Variants in SLC7A5 observed in about 807,000 individuals in gnomAD.
SLC7A5 encodes the protein large neutral amino acids transporter small subunit 1.
SLC7A5 carries 23 observed loss-of-function variants against 50.2 expected under a neutral mutation model. The ratio of observed to expected loss-of-function variants is 0.46; its 90% CI spans 0.33 to 0.65. SLC7A5 has a LOEUF of 0.65. Among genes scored for constraint, SLC7A5 ranks in the 30% least tolerant of loss-of-function variants. The pLI is 0.02. For synonymous variants in SLC7A5, 393 were observed against 330.6 expected, an observed-to-expected ratio of 1.19 and a Z score of -2.05; for missense variants, 578 against 684.4, an observed-to-expected ratio of 0.84 and a Z score of 1.73.
In SLC7A5 at chr16:87,860,494, A is replaced by G. The variant is rs1008623608; in HGVS notation, c.538+8391T>C. On this transcript the variant is annotated intron_variant, in intron 1 of 9. Transcript: ENST00000261622. The surrounding 1 kb of genome is among the most constrained non-coding windows in gnomAD (Gnocchi z 4.8). ...TTGTCCCGCCTTTCTCGGCAGAACCAACAAATACCTTTCATGTACTGACTG... is the reference window on the plus strand; with the variant it reads ...TTGTCCCGCCTTTCTCGGCAGAACCGACAAATACCTTTCATGTACTGACTG... 2.6e-5 allele frequency among the ~76,000 whole-genome samples: 4 copies of G among 151,970 alleles called. No individual in the cohort carries two copies. Among genetic ancestry groups the G allele is most frequent in the Non-Finnish European group, 5.9e-5 (4 of 68,002 alleles).
At chr16:87,842,882 G>A (rs191293668) in intron 2 of SLC7A5, among the ~76,000 whole-genome samples, 3 of 120,586 alleles carry the variant, frequency 2.5e-5, no homozygotes, top group Admixed American at 1.7e-4. Flanking sequence ...CAGCCCCTCT[G>A]GCCTCTCTCC....
At chr16:87,854,139 ACAGTCTGGAGGGGCTGACGGGTGCCAC>A (rs1416570974) in intron 1 of SLC7A5, among the ~76,000 whole-genome samples, 17 of 146,176 alleles carry the variant, frequency 1.2e-4, no homozygotes, top group Non-Finnish European at 2.4e-4. Flanking sequence ...CCAACCAAAA[ACAGTCTGGAGGGGCTGACGGGTGCCAC>A]CGGGAGGGTT....
In SLC7A5 at chr16:87,831,565, T is replaced by G. The variant is rs938242015; in HGVS notation, c.*1405A>C. ...AGCTCCTCCAGCCACAGCTGAGCAC[T>G]GGAGTGACGCTGGACCACTTGGCTC... On this transcript the variant is annotated 3_prime_UTR_variant, in exon 10 of 10. Coordinates refer to ENST00000261622, the MANE Select transcript of SLC7A5 (RefSeq NM_003486.7). The G allele has an allele frequency of 2.0e-5, 3 of 152,224 alleles. No individual in the cohort carries two copies. The highest frequency in any genetic ancestry group is 7.2e-5 in the African/African-American group (3 of 41,436). 9.4% of individuals were successfully genotyped at this position (152,224 alleles called of 1,614,324 possible).
intron 8 of SLC7A5, among the ~76,000 whole-genome samples, chr16:87,834,960 C>T (rs2054979965): frequency 6.6e-6 from 1 of 152,260 alleles, no homozygotes; most frequent in African/African-American, 2.4e-5. Flanking sequence ...TGGCCACCCA[C>T]TAATAAGCCA....
In SLC7A5 at chr16:87,851,802, C is replaced by G. The variant is rs1382705372; in HGVS notation, c.586G>C (p.Val196Leu). The change falls in exon 2 of 10, where the codon GTC (valine) becomes CTC (leucine). Residue 196 changes from valine to leucine, a missense_variant. By Grantham distance (32) the Val-to-Leu change is conservative. This residue lies in a region of SLC7A5 where 465 missense variants were observed against 594.6 expected (regional missense o/e 0.78). Coordinates refer to ENST00000261622, the MANE Select transcript of SLC7A5 (RefSeq NM_003486.7). Reference protein sequence around the residue: ...NCYSVKAATRVQDAFAAAKLL... With the variant: ...NCYSVKAATRLQDAFAAAKLL... ...TTGGCGGCGGCAAAGGCATCCTGGA[C>G]CCGGGTGGCGGCCTTCACGCTGTAG... 6.2e-7 allele frequency: 1 copy of G among 1,612,966 alleles called. No homozygotes were observed. The highest frequency in any genetic ancestry group is 1.3e-5 in the African/African-American group (1 of 74,898).
intron 1 of SLC7A5, among the ~76,000 whole-genome samples, chr16:87,867,346 A>T (rs2055476178): frequency 6.6e-6 from 1 of 152,208 alleles, no homozygotes; most frequent in African/African-American, 2.4e-5. Flanking sequence ...TAATGACAAA[A>T]AAAGAAATCA....
Position 87,839,769 on chromosome 16 carries a change from A to C in SLC7A5, c.872T>G (p.Leu291Arg). The C allele has an allele frequency of 6.2e-7, 1 of 1,614,000 alleles. No individual in the cohort carries two copies. The highest frequency in any genetic ancestry group is 8.5e-7 in the Non-Finnish European group (1 of 1,179,992). Reference sequence around the variant, plus strand: ...GGTGGTGAAGTAGGCCAGGTTGGTCAGCACGTACACCAGCGTCACGATGGG... The same window carrying C: ...GGTGGTGAAGTAGGCCAGGTTGGTCCGCACGTACACCAGCGTCACGATGGG... ...SLPIVTLVYV[L>R]TNLAYFTTLS... The change falls in exon 5 of 10, where the codon CTG (leucine) becomes CGG (arginine). Residue 291 changes from leucine to arginine, a missense_variant. Physicochemically the swap from Leu to Arg is moderately radical, Grantham distance 102 (BLOSUM62 -2). This residue lies in a region of SLC7A5 where 465 missense variants were observed against 594.6 expected (regional missense o/e 0.78). Transcript: ENST00000261622.
chr16:87,863,468 C>T (rs1335373953), intron 1 of SLC7A5: 3 of 152,214 alleles, frequency 2.0e-5, no homozygotes, highest in African/African-American at 4.8e-5. Flanking sequence ...CCCAGCATCG[C>T]TTGAATTTCC....
chr16:87,833,252 C>T lies in SLC7A5; in HGVS notation c.1469-227G>A, dbSNP rs140895181. On this transcript the variant is annotated intron_variant, in intron 9 of 9. Transcript: ENST00000261622. This position sits in a 1 kb window ranked among gnomAD's most constrained non-coding sequence, Gnocchi z 6.0. ...CGGAAGTGCCACATCCCACTCGGCC[C>T]ACCCCTCGCCTGCTTCAGAACCCTG... Among the ~76,000 whole-genome samples the T allele has an allele frequency of 7.2e-5, 11 of 152,376 alleles. No homozygotes were observed. The East Asian group carries it at 2.1e-3, about 29-fold the overall frequency.
At chr16:87,834,043 A>G (rs112176535) in intron 9 of SLC7A5, among the ~76,000 whole-genome samples, 9,438 of 152,086 alleles carry the variant, frequency 0.062, 946 homozygotes, top group African/African-American at 0.22. Flanking sequence ...TAGTAGAGAC[A>G]GAGTTTCACC....
chr16:87,848,088 C>G (rs1238246728), intron 2 of SLC7A5, among the ~76,000 whole-genome samples: 2 of 152,134 alleles, frequency 1.3e-5, no homozygotes, highest in Non-Finnish European at 2.9e-5. Context: ...GCACGCCGCC[C>G]TGGCAGGCTG....
At chr16:87,856,268 G>T (rs920026956) in intron 1 of SLC7A5, among the ~76,000 whole-genome samples, 1 of 152,230 alleles carries the variant, frequency 6.6e-6, no homozygotes, top group African/African-American at 2.4e-5. Flanking sequence ...GAGGGCCAAT[G>T]CTGGGGCTGG....
chr16:87,836,755 C>T, intron 7 of SLC7A5, 108 bp from the exon 8 acceptor site: 2 of 1,209,678 alleles, frequency 1.7e-6, no homozygotes, highest in Non-Finnish European at 2.4e-6. Context: ...AGCTGAGCAC[C>T]AGGGAATTTT....
At chr16:87,836,442 C>T in intron 8 of SLC7A5, 56 bp downstream of exon 8, 3 of 1,594,090 alleles carry the variant, frequency 1.9e-6, no homozygotes, top group Non-Finnish European at 2.6e-6. Context: ...TCCTTAGGAC[C>T]CACGGACCCT....
chr16:87,841,461 C>A lies in SLC7A5; in HGVS notation c.665-306G>T, dbSNP rs532090121. 1.3e-5 allele frequency among the ~76,000 whole-genome samples: 2 copies of A among 152,308 alleles called. No homozygotes were observed. Among genetic ancestry groups the A allele is most frequent in the South Asian group, 4.1e-4 (2 of 4,834 alleles). On this transcript the variant is annotated intron_variant, in intron 2 of 9. Coordinates refer to ENST00000261622, the MANE Select transcript of SLC7A5 (RefSeq NM_003486.7). The surrounding 1 kb of genome is among the most constrained non-coding windows in gnomAD (Gnocchi z 4.8). ...CAGGAGGTCAGGATGGAGGGGTCAA[C>A]CAGCCCCAGTTGCCTTCAAGAAGGT...
At chr16:87,863,986 A>AAAAAAAAAAATATATATAT (rs376938738) in intron 1 of SLC7A5, among the ~76,000 whole-genome samples, 1 of 83,280 alleles carries the variant, frequency 1.2e-5, no homozygotes, top group African/African-American at 3.9e-5. Flanking sequence ...ATCATTTAAA[A>AAAAAAAAAAATATATATAT]ATATATATAT....
At chr16:87,847,185 G>C (rs1009509291) in intron 2 of SLC7A5, among the ~76,000 whole-genome samples, 1 of 152,192 alleles carries the variant, frequency 6.6e-6, no homozygotes, top group Non-Finnish European at 1.5e-5. Flanking sequence ...GCCCAGGGGG[G>C]CTTCTCAGTC....
At chr16:87,848,084 C>T (rs193130497) in intron 2 of SLC7A5, among the ~76,000 whole-genome samples, 34 of 152,308 alleles carry the variant, frequency 2.2e-4, no homozygotes, top group African/African-American at 7.0e-4. Context: ...AGAGGCACGC[C>T]GCCCTGGCAG....
Position 87,852,464 on chromosome 16 carries a change from C to A in SLC7A5, c.539-615G>T, listed in dbSNP as rs955524210. ...CCCTGCTGCCCTGCTGCTTTGGGGGCATACGATGAAACCCAAAATAGCACC... is the reference window on the plus strand; with the variant it reads ...CCCTGCTGCCCTGCTGCTTTGGGGGAATACGATGAAACCCAAAATAGCACC... On this transcript the variant is annotated intron_variant, in intron 1 of 9. Coordinates refer to ENST00000261622, the MANE Select transcript of SLC7A5 (RefSeq NM_003486.7). The surrounding 1 kb of genome is among the most constrained non-coding windows in gnomAD (Gnocchi z 4.5). Among the ~76,000 whole-genome samples the A allele has an allele frequency of 3.3e-5, 5 of 152,148 alleles. No homozygotes were observed. Among genetic ancestry groups the A allele is most frequent in the Non-Finnish European group, 7.4e-5 (5 of 68,020 alleles).
Sources: gnomAD v4.1 joint callset for allele counts (sites outside exome capture counted in the v4.1 genomes callset) on GRCh38, gnomAD v4.1.1 for gene constraint, gnomAD v4.1.1 regional missense constraint, Gnocchi (gnomAD v3.1) non-coding constraint, MANE v1.5 for transcripts, NCBI Gene and HGNC (gene_info 2026-07-23, HGNC 2026-07-21) for gene names.